KCNK9: variants seen among roughly 807,000 people sequenced by gnomAD.
KCNK9 encodes potassium two pore domain channel subfamily K member 9.
In KCNK9, 1 loss-of-function variant was observed where a neutral mutation model predicts 10.8. The observed-to-expected ratio is 0.09, with a 90% confidence interval of 0.03 to 0.44. KCNK9 has a LOEUF of 0.44. Among genes scored for constraint, KCNK9 ranks in the 20% least tolerant of loss-of-function variants. The probability of loss-of-function intolerance (pLI) is 0.97; values close to 1 mark genes in which losing one functional copy is unlikely to be tolerated. For missense variants in KCNK9, 303 were observed against 515.0 expected, an observed-to-expected ratio of 0.59 and a Z score of 3.98; for synonymous variants, 231 against 222.7, an observed-to-expected ratio of 1.04 and a Z score of -0.33.
chr8:139,603,690 C>T (rs1817423498), intron 2 of KCNK9, among the ~76,000 whole-genome samples: 1 of 152,172 alleles, frequency 6.6e-6, no homozygotes, highest in Non-Finnish European at 1.5e-5. Flanking sequence ...CAGGTCTTGT[C>T]CAACCTGCTC....
At position 139,644,091 on chromosome 8, in the gene KCNK9, C is replaced by A. The variant is rs564292072; in HGVS notation, c.284-24992G>T. Among the ~76,000 whole-genome samples the A allele has an allele frequency of 2.6e-5, 4 of 152,344 alleles. No individual in the cohort carries two copies. In the East Asian group the frequency reaches 7.7e-4, roughly 29 times the overall value. On this transcript the variant is annotated intron_variant, in intron 1 of 1. Coordinates refer to ENST00000520439, the MANE Select transcript of KCNK9 (RefSeq NM_001282534.2). ...GATTACTGTGCTAGGAAGGGCCAGA[C>A]TCAAGCCCATTGCAGGAAGGGCTTT... is the stretch of plus-strand genomic sequence containing the variant.
chr8:139,629,528 A>G (rs1367519763), intron 1 of KCNK9, among the ~76,000 whole-genome samples: 1 of 152,238 alleles, frequency 6.6e-6, no homozygotes, highest in East Asian at 1.9e-4. Context: ...TTAAAGAGAG[A>G]TGCAGTCCTG....
At chr8:139,619,388 C>T (rs751474130) in intron 1 of KCNK9, among the ~76,000 whole-genome samples, 3 of 151,994 alleles carry the variant, frequency 2.0e-5, no homozygotes, top group Non-Finnish European at 4.4e-5. Flanking sequence ...AAAAGAAGAA[C>T]CAATGTCACT....
At chr8:139,612,614 C>T (rs1342716336), downstream of KCNK9, 16 of 152,158 alleles carry the variant, frequency 1.1e-4, no homozygotes, top group Admixed American at 9.8e-4. Flanking sequence ...AAGCCGTGTT[C>T]GGCTTTGGCA....
chr8:139,653,846 G>T (rs2129682587), intron 1 of KCNK9, among the ~76,000 whole-genome samples: 1 of 152,336 alleles, frequency 6.6e-6, no homozygotes, highest in East Asian at 1.9e-4. Flanking sequence ...CAGCTCTCGG[G>T]CAACACCCTC....
intron 1 of KCNK9, among the ~76,000 whole-genome samples, chr8:139,656,118 T>C (rs1816013286): frequency 6.6e-6 from 1 of 152,156 alleles, no homozygotes; most frequent in Non-Finnish European, 1.5e-5. Context: ...AAAGGAGGTA[T>C]GTATGAGCCA....
chr8:139,634,969 C>G (rs185776987), intron 1 of KCNK9, among the ~76,000 whole-genome samples: 1 of 152,102 alleles, frequency 6.6e-6, no homozygotes, highest in Non-Finnish European at 1.5e-5. Flanking sequence ...TGGTGCGAGG[C>G]GTCTAGGGCC....
rs776865227 is a variant in KCNK9 at position 139,702,215 on chromosome 8, T to C, written c.283+495A>G. 5.3e-5 allele frequency among the ~76,000 whole-genome samples: 8 copies of C among 152,258 alleles called. No individual in the cohort carries two copies. Among genetic ancestry groups the C allele is most frequent in the Non-Finnish European group, 8.8e-5 (6 of 67,988 alleles). ...GAAGCCTGGAGCGGGGCCCAGGGGC[T>C]ACGGAGGGTCAGTGCCTCTCACGCC... On this transcript the variant is annotated intron_variant, in intron 1 of 1. Transcript: ENST00000520439. This position sits in a 1 kb window ranked among gnomAD's most constrained non-coding sequence, Gnocchi z 7.5.
chr8:139,649,412 C>T (rs2545456), intron 1 of KCNK9, among the ~76,000 whole-genome samples: 144,352 of 152,250 alleles, frequency 0.95, 68,507 homozygotes, highest in East Asian at 1. Flanking sequence ...TGAGGAAGGA[C>T]TTAGCAAAAT....
intron 1 of KCNK9, among the ~76,000 whole-genome samples, chr8:139,665,257 T>A (rs1360790920): frequency 6.6e-6 from 1 of 152,188 alleles, no homozygotes; most frequent in African/African-American, 2.4e-5. Context: ...TTTTAGATGC[T>A]TCTGCACTGC....
chr8:139,609,069 A>G (rs1300756481), downstream of KCNK9, among the ~76,000 whole-genome samples: 1 of 144,082 alleles, frequency 6.9e-6, no homozygotes, highest in Non-Finnish European at 1.5e-5. Context: ...GCCCCTATCT[A>G]TGTCCCTTCC....
At chr8:139,614,484 T>C (rs1191216560), downstream of KCNK9, among the ~76,000 whole-genome samples, 5 of 152,152 alleles carry the variant, frequency 3.3e-5, no homozygotes, top group African/African-American at 1.2e-4. Flanking sequence ...CCATGCACAG[T>C]GGGAGCGCGC....
rs763445752 is a variant in KCNK9 at position 139,649,330 on chromosome 8, G to A, written c.284-30231C>T. ...TGTAAGCCCTGAAGCCTGGGGCACC[G>A]GTTGGCTCCAGAGATGAGCTTGGAC... On this transcript the variant is annotated intron_variant, in intron 1 of 1. Coordinates refer to ENST00000520439, the MANE Select transcript of KCNK9 (RefSeq NM_001282534.2). 9.0e-4 allele frequency among the ~76,000 whole-genome samples: 137 copies of A among 152,326 alleles called. No individual in the cohort carries two copies. In the Middle Eastern group the frequency reaches 0.01, roughly 11 times the overall value.
downstream of KCNK9, among the ~76,000 whole-genome samples, chr8:139,615,536 A>G (rs1200184847): frequency 6.6e-6 from 1 of 152,124 alleles, no homozygotes; most frequent in Non-Finnish European, 1.5e-5. Context: ...GCAAAAAATG[A>G]ACATCACCAA....
chr8:139,623,808 A>G (rs1316165052), intron 1 of KCNK9, among the ~76,000 whole-genome samples: 1 of 152,156 alleles, frequency 6.6e-6, no homozygotes, highest in African/African-American at 2.4e-5. Flanking sequence ...GACTTCTGAA[A>G]TGGATCTGCA....
intron 1 of KCNK9, among the ~76,000 whole-genome samples, chr8:139,674,604 A>G (rs1448770525): frequency 6.6e-6 from 1 of 152,106 alleles, no homozygotes; most frequent in Non-Finnish European, 1.5e-5. Context: ...ACTCCAACCC[A>G]AGACCTCAGG....
At chr8:139,649,122 C>T (rs1056582220) in intron 1 of KCNK9, among the ~76,000 whole-genome samples, 6 of 152,176 alleles carry the variant, frequency 3.9e-5, no homozygotes, top group African/African-American at 1.4e-4. Flanking sequence ...ACCTTTTATT[C>T]CATATCTCAG....
intron 1 of KCNK9, among the ~76,000 whole-genome samples, chr8:139,650,981 G>T (rs1017031363): frequency 1.3e-5 from 2 of 152,172 alleles, no homozygotes; most frequent in African/African-American, 4.8e-5. Context: ...AATGCTGAAA[G>T]CCCCAGAATA....
intron 1 of KCNK9, among the ~76,000 whole-genome samples, chr8:139,620,885 T>A (rs1162830279): frequency 6.6e-6 from 1 of 151,958 alleles, no homozygotes; most frequent in Non-Finnish European, 1.5e-5. Context: ...CAGAGAGGAA[T>A]AAAGAAGATT....
Sources: allele counts gnomAD v4.1 joint callset (sites outside exome capture counted in the v4.1 genomes callset), GRCh38; gene constraint gnomAD v4.1.1; non-coding constraint Gnocchi (gnomAD v3.1); transcripts MANE v1.5; gene names NCBI Gene and HGNC (gene_info 2026-07-23, HGNC 2026-07-21).